The following COL23A1 variants were observed in gnomAD, a reference collection of about 807,000 sequenced individuals.
COL23A1 encodes the protein collagen alpha-1(XXIII) chain.
Under a neutral mutation model 99.3 loss-of-function variants are expected in COL23A1, and 97 were observed. The ratio of observed to expected loss-of-function variants is 0.98; its 90% CI spans 0.83 to 1.16. The LOEUF (loss-of-function observed/expected upper bound fraction) is 1.16, where lower values mean the gene tolerates loss of function less well. COL23A1 is among the 50% of genes most tolerant of loss of function. The probability of loss-of-function intolerance (pLI) is 0.00; values close to 1 mark genes in which losing one functional copy is unlikely to be tolerated. For synonymous variants in COL23A1, 320 were observed against 308.2 expected (o/e 1.04, Z -0.40); for missense variants, 762 against 757.4 (o/e 1.01, Z -0.07).
At chr5:178,380,425 A>G (rs3223270) in intron 2 of COL23A1, among the ~76,000 whole-genome samples, 2 of 126,646 alleles carry the variant, frequency 1.6e-5, no homozygotes, top group Non-Finnish European at 3.5e-5. Context: ...GTGTGTGTGT[A>G]TGCTTTTTTC....
chr5:178,524,310 G>A (rs927678312), intron 2 of COL23A1, among the ~76,000 whole-genome samples: 6 of 152,218 alleles, frequency 3.9e-5, no homozygotes, highest in African/African-American at 7.2e-5. Flanking sequence ...CATCCTGCCC[G>A]CTCTCCCCAG....
intron 2 of COL23A1, among the ~76,000 whole-genome samples, chr5:178,492,705 C>T (rs1414267688): frequency 6.6e-6 from 1 of 151,576 alleles, no homozygotes; most frequent in Non-Finnish European, 1.5e-5. Flanking sequence ...ACGAAATGTC[C>T]AGAACAGGCC....
At chr5:178,250,726 T>TA (rs895380085) in intron 17 of COL23A1, among the ~76,000 whole-genome samples, 9 of 67,938 alleles carry the variant, frequency 1.3e-4, no homozygotes, top group African/African-American at 2.7e-4. Context: ...TTCACACCTG[T>TA]AATCCCAGCA....
At chr5:178,261,634 G>T (rs541045775) in intron 11 of COL23A1, 88 bp downstream of exon 11, 3 of 885,084 alleles carry the variant, frequency 3.4e-6, no homozygotes, top group East Asian at 2.4e-5. Flanking sequence ...CACTAGGGGT[G>T]GGGGGAAGAG....
intron 2 of COL23A1, chr5:178,344,765 T>G: frequency 4.2e-6 from 2 of 478,018 alleles, no homozygotes. Context: ...GCCTACTGTA[T>G]GCCCGTTGCC....
At chr5:178,549,911 G>A (rs1017632513) in intron 2 of COL23A1, among the ~76,000 whole-genome samples, 39 of 151,970 alleles carry the variant, frequency 2.6e-4, no homozygotes, top group African/African-American at 6.3e-4. Flanking sequence ...TAGATGAAAC[G>A]GACATCAGTA....
At position 178,589,133 on chromosome 5, in the gene COL23A1, A is replaced by C. The variant is rs1374612520; in HGVS notation, c.294+771T>G. ...TCTTTCTTTGAAGACACACAGCAGC[A>C]ATCTTAACCCTTAGAAGTGTCACAG... On this transcript the variant is annotated intron_variant, in intron 1 of 28. Transcript: ENST00000390654. The surrounding 1 kb of genome is among the most constrained non-coding windows in gnomAD (Gnocchi z 5.4). Among the ~76,000 whole-genome samples the C allele has an allele frequency of 2.6e-5, 4 of 152,186 alleles. No individual in the cohort carries two copies. The highest frequency in any genetic ancestry group is 4.4e-5 in the Non-Finnish European group (3 of 68,034).
At chr5:178,338,892 C>T (rs1025478108) in intron 2 of COL23A1, among the ~76,000 whole-genome samples, 2 of 152,284 alleles carry the variant, frequency 1.3e-5, no homozygotes, top group Non-Finnish European at 2.9e-5. Context: ...GAGACTATCA[C>T]AGCTGAATGA....
Position 178,287,257 on chromosome 5 carries a change from C to T in COL23A1, c.441+1067G>A, listed in dbSNP as rs139049331. 5.7e-3 allele frequency among the ~76,000 whole-genome samples: 865 copies of T among 152,344 alleles called. 7 individuals are homozygous for T. Among genetic ancestry groups the T allele is most frequent in the African/African-American group, 0.02 (812 of 41,558 alleles). Reference sequence around the variant, plus strand: ...TCTTACTTCCGCAGAGTCTGAGAGGCCAGGCTGCTCATTGCTGGGGGAGCT... The same window carrying T: ...TCTTACTTCCGCAGAGTCTGAGAGGTCAGGCTGCTCATTGCTGGGGGAGCT... On this transcript the variant is annotated intron_variant, in intron 5 of 28. Coordinates refer to ENST00000390654, the MANE Select transcript of COL23A1 (RefSeq NM_173465.4).
chr5:178,426,531 C>T (rs6896228), intron 2 of COL23A1, among the ~76,000 whole-genome samples: 16,579 of 152,184 alleles, frequency 0.11, 2,062 homozygotes, highest in East Asian at 0.55. Flanking sequence ...GCCATCCGGG[C>T]GCAGATCCTG....
intron 2 of COL23A1, among the ~76,000 whole-genome samples, chr5:178,331,614 C>T (rs1005073194): frequency 7.9e-5 from 12 of 152,166 alleles, no homozygotes; most frequent in African/African-American, 2.4e-4. Flanking sequence ...AGGCAGCCAC[C>T]GACAGGAGGG....
Position 178,278,469 on chromosome 5 carries a change from T to C in COL23A1, c.442-8106A>G, listed in dbSNP as rs569349767. On this transcript the variant is annotated intron_variant, in intron 5 of 28. Coordinates refer to ENST00000390654, the MANE Select transcript of COL23A1 (RefSeq NM_173465.4). The stretch of plus-strand genomic sequence containing the variant: ...AAGATGTGGTAGTGATGACTGCATG[T>C]GCGGAACTGCACCCCGATGGGGCGG... Among the ~76,000 whole-genome samples the C allele has an allele frequency of 2.6e-5, 4 of 152,376 alleles. No individual in the cohort carries two copies. The South Asian group carries it at 8.3e-4, about 32-fold the overall frequency.
intron 2 of COL23A1, among the ~76,000 whole-genome samples, chr5:178,538,646 A>G (rs1427316101): frequency 6.6e-6 from 1 of 152,248 alleles, no homozygotes; most frequent in Non-Finnish European, 1.5e-5. Flanking sequence ...GTAGCTGTTA[A>G]ATATGCTTTG....
intron 2 of COL23A1, among the ~76,000 whole-genome samples, chr5:178,390,357 T>A (rs1429699682): frequency 2.0e-5 from 3 of 152,204 alleles, no homozygotes; most frequent in Non-Finnish European, 4.4e-5. Flanking sequence ...AGGAGGCACA[T>A]GGCCATGAGG....
At chr5:178,405,305 A>G (rs775517815) in intron 2 of COL23A1, among the ~76,000 whole-genome samples, 40 of 152,242 alleles carry the variant, frequency 2.6e-4, no homozygotes, top group Non-Finnish European at 5.0e-4. Flanking sequence ...AAGTTGTTAC[A>G]TGTTTCAACA....
rs1288118515 is a variant in COL23A1, at chr5:178,589,324, A to T, written c.294+580T>A. On this transcript the variant is annotated intron_variant, in intron 1 of 28. Coordinates refer to ENST00000390654, the MANE Select transcript of COL23A1 (RefSeq NM_173465.4). The surrounding 1 kb of genome is among the most constrained non-coding windows in gnomAD (Gnocchi z 5.4). ...CTCCTTCCTCTCATCTTACCAAGTC[A>T]TGTGGGCGCCCCCACCCCCATCCCC... Among the ~76,000 whole-genome samples, 1 of 151,846 alleles carries T rather than the reference A, an allele frequency of 6.6e-6. No individual in the cohort carries two copies. The highest frequency in any genetic ancestry group is 1.5e-5 in the Non-Finnish European group (1 of 67,966).
rs540013958 is a variant in COL23A1 at position 178,524,286 on chromosome 5, G to A, written c.361+36396C>T. On this transcript the variant is annotated intron_variant, in intron 2 of 28. Coordinates refer to ENST00000390654, the MANE Select transcript of COL23A1 (RefSeq NM_173465.4). Reference sequence around the variant, plus strand: ...AGCCCTCTTCACACTGTGGCCCCCCGCAGCTCCAGACCACATCCTGCCCGC... The same window carrying A: ...AGCCCTCTTCACACTGTGGCCCCCCACAGCTCCAGACCACATCCTGCCCGC... Among the ~76,000 whole-genome samples, 25 of 152,222 alleles carry A rather than the reference G, an allele frequency of 1.6e-4. 1 individual carries two copies. The South Asian group carries it at 2.9e-3, about 18-fold the overall frequency.
intron 5 of COL23A1, among the ~76,000 whole-genome samples, chr5:178,279,717 G>T (rs879543477): frequency 6.6e-6 from 1 of 152,050 alleles, no homozygotes; most frequent in Non-Finnish European, 1.5e-5. Flanking sequence ...CTCCCCCTAC[G>T]CCCTTACCAT....
chr5:178,342,889 G>A (rs1366517736), intron 2 of COL23A1, among the ~76,000 whole-genome samples: 1 of 152,200 alleles, frequency 6.6e-6, no homozygotes, highest in East Asian at 1.9e-4. Context: ...GACCATCAGA[G>A]ATAGAGAGAT....
Sources: gnomAD v4.1 joint callset for allele counts (sites outside exome capture counted in the v4.1 genomes callset) on GRCh38, gnomAD v4.1.1 for gene constraint, Gnocchi (gnomAD v3.1) non-coding constraint, MANE v1.5 for transcripts, NCBI Gene and HGNC (gene_info 2026-07-23, HGNC 2026-07-21) for gene names.